The following COL26A1 variants were observed in gnomAD, a reference collection of about 807,000 sequenced individuals.
COL26A1 encodes the protein collagen alpha-1(XXVI) chain.
In COL26A1, 41 loss-of-function variants were observed where a neutral mutation model predicts 59.3. That is an observed-to-expected ratio of 0.69 (90% confidence interval 0.54 to 0.90). The LOEUF is 0.90. Among genes scored for constraint, COL26A1 ranks in the 40% least tolerant of loss-of-function variants. The pLI is 0.00. For synonymous variants in COL26A1, 266 were observed against 256.0 expected (o/e 1.04, Z -0.37); for missense variants, 612 against 602.3 (o/e 1.02, Z -0.17).
Position 101,557,444 on chromosome 7 carries a change from G to A in COL26A1, c.1240G>A (p.Gly414Ser). 6.2e-7 allele frequency: 1 copy of A among 1,613,660 alleles called. No individual in the cohort carries two copies. The highest frequency in any genetic ancestry group is 8.5e-7 in the Non-Finnish European group (1 of 1,179,752). Residue 414 changes from glycine (G) to serine (S), a missense_variant, in exon 13 of 13, where the codon GGC becomes AGC. By Grantham distance (56) the Gly-to-Ser change is moderately conservative (BLOSUM62 0). Coordinates refer to ENST00000313669, the MANE Select transcript of COL26A1 (RefSeq NM_001278563.3). ...AGCCAACCTCAAGATGAAGAGGGGT[G>A]GCGCCCAACCCGATGGGGTCCTTGC... ...LRANLKMKRG[G>S]AQPDGVLAAL...
intron 4 of COL26A1, among the ~76,000 whole-genome samples, chr7:101,538,251 TCTC>T (rs1167667146): frequency 6.6e-6 from 1 of 152,058 alleles, no homozygotes; most frequent in African/African-American, 2.4e-5. Flanking sequence ...GGAACCCTTC[TCTC>T]CTCCTGGAGA....
At chr7:101,453,541 C>T (rs765816662) in intron 3 of COL26A1, among the ~76,000 whole-genome samples, 11 of 152,182 alleles carry the variant, frequency 7.2e-5, no homozygotes, top group Non-Finnish European at 1.6e-4. Context: ...GCCAGCCCCT[C>T]CCTGGTGGAG....
chr7:101,516,575 T>G (rs962533362), intron 3 of COL26A1, among the ~76,000 whole-genome samples: 12 of 152,184 alleles, frequency 7.9e-5, no homozygotes, highest in Non-Finnish European at 1.6e-4. Context: ...CTGGTGAGAT[T>G]TGCTTTTTAA....
chr7:101,456,844 G>C (rs1409544280), intron 3 of COL26A1, among the ~76,000 whole-genome samples: 4 of 152,102 alleles, frequency 2.6e-5, no homozygotes, highest in Admixed American at 1.3e-4. Flanking sequence ...AATTTGATGA[G>C]TTTTGATAAA....
chr7:101,509,392 G>C (rs1794876030), intron 3 of COL26A1, among the ~76,000 whole-genome samples: 1 of 152,106 alleles, frequency 6.6e-6, no homozygotes, highest in African/African-American at 2.4e-5. Context: ...GTTGCAGTAA[G>C]CTGAGATCGT....
At chr7:101,382,442 T>C (rs1015859987) in intron 1 of COL26A1, among the ~76,000 whole-genome samples, 1 of 152,158 alleles carries the variant, frequency 6.6e-6, no homozygotes, top group Non-Finnish European at 1.5e-5. Context: ...CCTTGCTAAT[T>C]TGAAATGCCA....
At chr7:101,510,082 T>C (rs1024959046) in intron 3 of COL26A1, among the ~76,000 whole-genome samples, 2 of 149,176 alleles carry the variant, frequency 1.3e-5, no homozygotes, top group Non-Finnish European at 2.9e-5. Context: ...AGTGCAGTGG[T>C]GCAATCATGG....
chr7:101,440,103 C>T (rs1440060800), intron 2 of COL26A1, among the ~76,000 whole-genome samples: 2 of 152,178 alleles, frequency 1.3e-5, no homozygotes, highest in Admixed American at 6.6e-5. Context: ...CAGTGGCTCA[C>T]GCCTGTAATC....
chr7:101,456,166 A>T (rs1389522490), intron 3 of COL26A1, among the ~76,000 whole-genome samples: 12 of 99,620 alleles, frequency 1.2e-4, no homozygotes, highest in Admixed American at 4.8e-4. Flanking sequence ...ATATATATAT[A>T]TATTTTTTTT....
At chr7:101,419,570 C>G (rs1792462187) in intron 1 of COL26A1, among the ~76,000 whole-genome samples, 1 of 152,160 alleles carries the variant, frequency 6.6e-6, no homozygotes, top group Non-Finnish European at 1.5e-5. Flanking sequence ...TTATCTTGCA[C>G]TACTCAGCTG....
chr7:101,505,620 G>C (rs1284698578), intron 3 of COL26A1, among the ~76,000 whole-genome samples: 1 of 152,212 alleles, frequency 6.6e-6, no homozygotes, highest in Non-Finnish European at 1.5e-5. Context: ...ATGGGAGAAG[G>C]ATATAGGCTG....
chr7:101,550,802 A>G (rs1231818961), intron 9 of COL26A1, among the ~76,000 whole-genome samples: 11 of 151,190 alleles, frequency 7.3e-5, no homozygotes, highest in Non-Finnish European at 1.5e-4. Flanking sequence ...TGTTAGTATC[A>G]CTAGTTCTCT....
intron 2 of COL26A1, among the ~76,000 whole-genome samples, chr7:101,429,492 A>G (rs116361545): frequency 0.017 from 2,650 of 151,858 alleles, 69 homozygotes; most frequent in African/African-American, 0.061. Context: ...TGTTTTGCCA[A>G]TACCACACAG....
At chr7:101,473,454 A>G (rs962620566) in intron 3 of COL26A1, among the ~76,000 whole-genome samples, 1 of 146,548 alleles carries the variant, frequency 6.8e-6, no homozygotes, top group Non-Finnish European at 1.5e-5. Context: ...GCTTGGCACC[A>G]CCTGCAGTCA....
chr7:101,364,144 G>T (rs1790983783), intron 1 of COL26A1, among the ~76,000 whole-genome samples: 1 of 152,186 alleles, frequency 6.6e-6, no homozygotes, highest in South Asian at 2.1e-4. Flanking sequence ...GACGCTCAGG[G>T]CTGCGGCTCC....
At chr7:101,538,560 G>T (rs1390903123) in intron 4 of COL26A1, among the ~76,000 whole-genome samples, 1 of 152,214 alleles carries the variant, frequency 6.6e-6, no homozygotes, top group Non-Finnish European at 1.5e-5. Context: ...GGGGCTGAAA[G>T]AATTGGCTCT....
At chr7:101,545,824 G>A (rs887847437) in intron 7 of COL26A1, among the ~76,000 whole-genome samples, 26 of 152,200 alleles carry the variant, frequency 1.7e-4, no homozygotes, top group African/African-American at 4.1e-4. Flanking sequence ...GGGGTTGTGA[G>A]CCCCAAAGTT....
intron 1 of COL26A1, among the ~76,000 whole-genome samples, chr7:101,412,353 A>G (rs557455986): frequency 6.6e-6 from 1 of 152,174 alleles, no homozygotes; most frequent in South Asian, 2.1e-4. Context: ...TTTGCATACA[A>G]TTAAAAGTGG....
intron 1 of COL26A1, among the ~76,000 whole-genome samples, chr7:101,411,110 A>G (rs574866351): frequency 6.6e-6 from 1 of 152,322 alleles, no homozygotes; most frequent in East Asian, 1.9e-4. Context: ...GCTGGGGCTC[A>G]GGTCCTGGCA....
Sources: allele counts gnomAD v4.1 joint callset (sites outside exome capture counted in the v4.1 genomes callset), GRCh38; gene constraint gnomAD v4.1.1; transcripts MANE v1.5; gene names NCBI Gene and HGNC (gene_info 2026-07-23, HGNC 2026-07-21).